SCARB1: variants seen among roughly 807,000 people sequenced by gnomAD.
SCARB1 encodes CD36 and LIMPII analogous 1.
SCARB1 carries 30 observed loss-of-function variants against 57.2 expected under a neutral mutation model. That is an observed-to-expected ratio of 0.52 (90% CI 0.39 to 0.71). The LOEUF (loss-of-function observed/expected upper bound fraction) is 0.71, where lower values mean the gene tolerates loss of function less well. Among genes scored for constraint, SCARB1 ranks in the 30% least tolerant of loss-of-function variants. The pLI is 0.00. For missense variants in SCARB1, 543 were observed against 671.2 expected (o/e 0.81, Z 2.11); for synonymous variants, 249 against 268.3 (o/e 0.93, Z 0.70).
chr12:124,840,367 G>A (rs560581911), intron 1 of SCARB1, among the ~76,000 whole-genome samples: 20 of 152,204 alleles, frequency 1.3e-4, no homozygotes, highest in African/African-American at 2.6e-4. Flanking sequence ...TAGTAGAGAC[G>A]GGGTTTCGCC....
chr12:124,829,508 C>T (rs1951299036), intron 1 of SCARB1, among the ~76,000 whole-genome samples: 1 of 152,130 alleles, frequency 6.6e-6, no homozygotes, highest in Admixed American at 6.6e-5. Flanking sequence ...CAACCCAGCT[C>T]CCTATAGTCA....
At chr12:124,806,363 G>A (rs757939226) in intron 7 of SCARB1, among the ~76,000 whole-genome samples, 1 of 152,138 alleles carries the variant, frequency 6.6e-6, no homozygotes, top group Non-Finnish European at 1.5e-5. Context: ...GGGTGTCTCA[G>A]GGACTGGCAC....
At position 124,800,132 on chromosome 12, in the gene SCARB1, T is replaced by C. The variant is rs777831906; in HGVS notation, c.1120A>G (p.Ile374Val). ...GGATGGCAGGGGCTCACCGGGTGGA[T>C]GTCCAGGAACAAGGAGTGTGCCTCC... is the stretch of plus-strand genomic sequence containing the variant. ...NQEAHSLFLD[I>V]HPVTGIPMNC... Residue 374 changes from isoleucine (I) to valine (V), a missense_variant, in exon 8 of 13, where the codon ATC (isoleucine) becomes GTC (valine). Ile to Val is a conservative substitution (Grantham distance 29, BLOSUM62 3). Coordinates refer to ENST00000261693, the MANE Select transcript of SCARB1 (RefSeq NM_005505.5). This position sits in a 1 kb window ranked among gnomAD's most constrained non-coding sequence, Gnocchi z 4.8. 2.7e-5 allele frequency: 43 copies of C among 1,612,400 alleles called. 1 individual carries two copies. In the South Asian group the frequency reaches 4.6e-4, roughly 17 times the overall value.
intron 1 of SCARB1, among the ~76,000 whole-genome samples, chr12:124,821,030 C>T (rs972587284): frequency 4.6e-5 from 7 of 152,078 alleles, no homozygotes; most frequent in Admixed American, 1.3e-4. Flanking sequence ...ATCACTTGAG[C>T]ACAGGAGTTC....
At chr12:124,794,397 A>T (rs1227647584) in intron 9 of SCARB1, among the ~76,000 whole-genome samples, 12 of 113,948 alleles carry the variant, frequency 1.1e-4, no homozygotes, top group East Asian at 3.8e-4. Flanking sequence ...TGCTTGAAAA[A>T]TTCTTTTTTT....
intron 1 of SCARB1, among the ~76,000 whole-genome samples, chr12:124,830,274 G>A (rs971482503): frequency 7.9e-5 from 12 of 152,176 alleles, no homozygotes; most frequent in African/African-American, 2.9e-4. Context: ...AGTCACTGTG[G>A]AATATACTTT....
At chr12:124,790,532 G>A (rs1219740011) in intron 9 of SCARB1, among the ~76,000 whole-genome samples, 1 of 152,198 alleles carries the variant, frequency 6.6e-6, no homozygotes, top group Non-Finnish European at 1.5e-5. Flanking sequence ...CTTGATCTTA[G>A]CCTTGTTGTG....
At position 124,817,558 on chromosome 12, in the gene SCARB1, G is replaced by T; in HGVS notation, c.276C>A (p.Tyr92Ter). 1.9e-6 allele frequency: 3 copies of T among 1,613,884 alleles called. No homozygotes were observed. Among genetic ancestry groups the T allele is most frequent in the Non-Finnish European group, 2.5e-6 (3 of 1,180,004 alleles). ...EKPQVRERGP[Y>*]VYREFRHKSN... ...CCTGGACACAGCCTCACCTGTACAC[G>T]TAGGGCCCGCGCTCCCGCACCTGCG... Residue 92 changes from tyrosine (Y) to a stop codon, truncating the protein, a stop_gained, in exon 2 of 13, where the codon TAC becomes TAA. Transcript: ENST00000261693. LOFTEE classifies it high-confidence loss of function. The surrounding 1 kb of genome is among the most constrained non-coding windows in gnomAD (Gnocchi z 4.8).
chr12:124,858,662 G>A (rs534957145), intron 1 of SCARB1, among the ~76,000 whole-genome samples: 3 of 151,768 alleles, frequency 2.0e-5, no homozygotes, highest in Admixed American at 1.3e-4. Flanking sequence ...GGCGGATCAC[G>A]AGGTCAGGAG....
At chr12:124,788,806 G>C (rs1387624729) in intron 9 of SCARB1, among the ~76,000 whole-genome samples, 1 of 152,150 alleles carries the variant, frequency 6.6e-6, no homozygotes, top group Non-Finnish European at 1.5e-5. Flanking sequence ...TTCAGAAACT[G>C]CCCTAGAGAT....
At chr12:124,843,877 A>G (rs1188520691) in intron 1 of SCARB1, among the ~76,000 whole-genome samples, 1 of 152,164 alleles carries the variant, frequency 6.6e-6, no homozygotes, top group Non-Finnish European at 1.5e-5. Flanking sequence ...CATGAGAACA[A>G]TGCTGCACCA....
At chr12:124,829,554 C>T (rs1397929722) in intron 1 of SCARB1, among the ~76,000 whole-genome samples, 1 of 131,678 alleles carries the variant, frequency 7.6e-6, no homozygotes, top group African/African-American at 2.5e-5. Flanking sequence ...CTGCCTCGCT[C>T]ACTCTGCTCC....
intron 2 of SCARB1, among the ~76,000 whole-genome samples, chr12:124,816,996 G>C (rs572258067): frequency 6.6e-6 from 1 of 151,170 alleles, no homozygotes; most frequent in Non-Finnish European, 1.5e-5. Flanking sequence ...GGTCTGGGGG[G>C]TCGGTCCCTG....
In SCARB1 at chr12:124,800,160, G is replaced by A. The variant is rs934958886; in HGVS notation, c.1092C>T (p.Asn364=). Residue 364 remains asparagine, a synonymous_variant, in exon 8 of 13, where the codon AAC becomes AAT. Coordinates refer to ENST00000261693, the MANE Select transcript of SCARB1 (RefSeq NM_005505.5). The surrounding 1 kb of genome is among the most constrained non-coding windows in gnomAD (Gnocchi z 4.8). The part of the protein sequence containing the change: ...LAEAVTGLHP[N]QEAHSLFLDI... ...CCAGGAACAAGGAGTGTGCCTCCTGGTTAGGGTGCAGGCCAGTCACCGCTT... is the reference window on the plus strand; with the variant it reads ...CCAGGAACAAGGAGTGTGCCTCCTGATTAGGGTGCAGGCCAGTCACCGCTT... The A allele has an allele frequency of 2.5e-6, 4 of 1,614,030 alleles. No homozygotes were observed. The highest frequency in any genetic ancestry group is 3.4e-6 in the Non-Finnish European group (4 of 1,179,912).
At chr12:124,835,967 T>C (rs1170396268) in intron 1 of SCARB1, among the ~76,000 whole-genome samples, 1 of 152,230 alleles carries the variant, frequency 6.6e-6, no homozygotes, top group Admixed American at 6.5e-5. Context: ...CCCCCATGTA[T>C]GTTCCTGCAC....
chr12:124,805,522 A>G (rs952977784), intron 7 of SCARB1, among the ~76,000 whole-genome samples: 6 of 152,102 alleles, frequency 3.9e-5, no homozygotes, highest in African/African-American at 7.2e-5. Flanking sequence ...CTTCACTATG[A>G]ATGCAGACAG....
At chr12:124,798,536 G>C (rs1950024957) in intron 8 of SCARB1, among the ~76,000 whole-genome samples, 1 of 152,032 alleles carries the variant, frequency 6.6e-6, no homozygotes, top group Non-Finnish European at 1.5e-5. Flanking sequence ...TCACCTGTAT[G>C]TGGAATCTAA....
intron 6 of SCARB1, among the ~76,000 whole-genome samples, chr12:124,808,839 CA>C (rs61679216): frequency 0.12 from 16,880 of 146,732 alleles, 1,412 homozygotes; most frequent in African/African-American, 0.24. Flanking sequence ...GCAAAAAAAA[CA>C]AAAAAAAAAC....
rs757101173 is a variant in SCARB1, at chr12:124,795,205, C to T, written c.1192G>A (p.Ala398Thr). ...CCAGTCCCCACTCACCCAATGCCTG[C>T]GACAGATTTCATGTAGAGGCTCAGC... Reference protein sequence around the residue: ...LQLSLYMKSVAGIGQTGKIEP... With the variant: ...LQLSLYMKSVTGIGQTGKIEP... Residue 398 changes from alanine (A) to threonine (T), a missense_variant, in exon 9 of 13, where the codon GCA (alanine) becomes ACA (threonine). Physicochemically the swap from Ala to Thr is moderately conservative, Grantham distance 58 (BLOSUM62 0). Transcript: ENST00000261693. The T allele has an allele frequency of 1.3e-5, 21 of 1,613,612 alleles. No homozygotes were observed. The highest frequency in any genetic ancestry group is 1.6e-5 in the Non-Finnish European group (19 of 1,179,588).
Sources: allele counts gnomAD v4.1 joint callset (sites outside exome capture counted in the v4.1 genomes callset), GRCh38; gene constraint gnomAD v4.1.1; non-coding constraint Gnocchi (gnomAD v3.1); transcripts MANE v1.5; gene names NCBI Gene and HGNC (gene_info 2026-07-23, HGNC 2026-07-21).